GOLGB1: variants seen among roughly 807,000 people sequenced by gnomAD.
GOLGB1 encodes the protein golgin subfamily B member 1.
In GOLGB1, 174 loss-of-function variants were observed where a neutral mutation model predicts 336.9. That is an observed-to-expected ratio of 0.52 (90% CI 0.46 to 0.59). GOLGB1 has a LOEUF of 0.59. Among genes scored for constraint, GOLGB1 ranks in the 20% least tolerant of loss-of-function variants. The probability of loss-of-function intolerance (pLI) is 0.00; values close to 1 mark genes in which losing one functional copy is unlikely to be tolerated. For missense variants in GOLGB1, 3,331 were observed against 3,645.3 expected, an observed-to-expected ratio of 0.91 and a Z score of 2.22; for synonymous variants, 1,208 against 1,289.2, an observed-to-expected ratio of 0.94 and a Z score of 1.35.
chr3:121,736,375 G>A (rs12636562), intron 1 of GOLGB1, among the ~76,000 whole-genome samples: 15,746 of 152,108 alleles, frequency 0.1, 899 homozygotes, highest in South Asian at 0.16. Context: ...ATAAGTCATC[G>A]TAATATCATG....
At chr3:121,669,570 T>C (rs1341790907) in intron 17 of GOLGB1, among the ~76,000 whole-genome samples, 1 of 152,258 alleles carries the variant, frequency 6.6e-6, no homozygotes, top group Non-Finnish European at 1.5e-5. Flanking sequence ...AAAGGTTTTT[T>C]TGTTTTGTTC....
intron 21 of GOLGB1, 81 bp downstream of exon 21, chr3:121,664,845 C>T: frequency 1.1e-6 from 1 of 890,692 alleles, no homozygotes; most frequent in South Asian, 1.4e-5. Flanking sequence ...TTCCACATTC[C>T]TTCTCCTCAG....
chr3:121,704,776 C>CAAAAA (rs71133560), intron 10 of GOLGB1, among the ~76,000 whole-genome samples: 1 of 106,972 alleles, frequency 9.3e-6, no homozygotes, highest in Non-Finnish European at 1.8e-5. Flanking sequence ...AACTCCATCT[C>CAAAAA]AAAAAAAAAA....
rs183924001 is a variant in GOLGB1, at chr3:121,738,451, C to T, written c.-2-7478G>A. The stretch of plus-strand genomic sequence containing the variant: ...AAAATAAACGTGGATATAGACAAAC[C>T]GCCAATAGTCAAAAGATCTGGGTGT... On this transcript the variant is annotated intron_variant, in intron 1 of 21. Transcript: ENST00000614479. 3.9e-5 allele frequency among the ~76,000 whole-genome samples: 6 copies of T among 152,176 alleles called. No homozygotes were observed. The East Asian group carries it at 7.7e-4, about 20-fold the overall frequency.
chr3:121,669,277 G>T lies in GOLGB1; in HGVS notation c.9256C>A (p.Gln3086Lys). 6.2e-7 allele frequency: 1 copy of T among 1,613,714 alleles called. No individual in the cohort carries two copies. The change falls in exon 18 of 22, where the codon CAG (glutamine) becomes AAG (lysine). Residue 3086 changes from glutamine to lysine, a missense_variant. Gln to Lys is a moderately conservative substitution (Grantham distance 53). Transcript: ENST00000614479. ...DTSQSLRENQ[Q>K]HYGDLLNHCA... ...TGATTTAAAAGGTCACCATAGTGCTGCTGGTTCTCACGAAGACTCTGACTG... is the reference window on the plus strand; with the variant it reads ...TGATTTAAAAGGTCACCATAGTGCTTCTGGTTCTCACGAAGACTCTGACTG...
chr3:121,727,615 T>C (rs1945776375), intron 4 of GOLGB1, among the ~76,000 whole-genome samples: 1 of 151,942 alleles, frequency 6.6e-6, no homozygotes, highest in Non-Finnish European at 1.5e-5. Flanking sequence ...TGTTGCTAAG[T>C]GAGAAGCAAC....
At chr3:121,713,612 G>T (rs530592830) in intron 10 of GOLGB1, among the ~76,000 whole-genome samples, 3 of 152,108 alleles carry the variant, frequency 2.0e-5, no homozygotes, top group Non-Finnish European at 4.4e-5. Context: ...TCTTTGGAGG[G>T]GAAGGGTGAG....
At chr3:121,703,278 C>T (rs1452585696) in intron 10 of GOLGB1, among the ~76,000 whole-genome samples, 1 of 152,162 alleles carries the variant, frequency 6.6e-6, no homozygotes, top group African/African-American at 2.4e-5. Flanking sequence ...CCGAAATCTT[C>T]ATTCAATGTT....
intron 5 of GOLGB1, among the ~76,000 whole-genome samples, chr3:121,725,627 A>G (rs758479576): frequency 2.6e-5 from 4 of 152,146 alleles, no homozygotes; most frequent in Non-Finnish European, 4.4e-5. Flanking sequence ...TGAGTTTTGG[A>G]GAGCCAAGGG....
chr3:121,748,327 A>C (rs1208385064), intron 1 of GOLGB1, among the ~76,000 whole-genome samples: 1 of 152,266 alleles, frequency 6.6e-6, no homozygotes, highest in Non-Finnish European at 1.5e-5. Flanking sequence ...GTAGTCATAC[A>C]CTATAAATAA....
intron 14 of GOLGB1, among the ~76,000 whole-genome samples, chr3:121,687,371 A>G (rs1284758414): frequency 6.6e-6 from 1 of 152,232 alleles, no homozygotes; most frequent in Admixed American, 6.5e-5. Flanking sequence ...TGAGTAGTGC[A>G]GTAATACAGT....
At chr3:121,743,620 A>G (rs1459976958) in intron 1 of GOLGB1, among the ~76,000 whole-genome samples, 1 of 152,218 alleles carries the variant, frequency 6.6e-6, no homozygotes, top group East Asian at 1.9e-4. Flanking sequence ...AATAAAAAAA[A>G]TACAGTTAAT....
rs757411186 is a variant in GOLGB1 at position 121,698,180 on chromosome 3, T to G, written c.2343A>C (p.Ala781=). Residue 781 remains alanine, a synonymous_variant, in exon 13 of 22, where the codon GCA becomes GCC. Coordinates refer to ENST00000614479, the MANE Select transcript of GOLGB1 (RefSeq NM_001366282.2). The part of the protein sequence containing the change: ...VKQLEMNLAE[A]ERQRRLDYES... Reference sequence around the variant, plus strand: ...CATAATCAAGTCTTCTTTGCCTTTCTGCTTCTGCAAGGTTCATTTCCAGTT... The same window carrying G: ...CATAATCAAGTCTTCTTTGCCTTTCGGCTTCTGCAAGGTTCATTTCCAGTT... The G allele has an allele frequency of 1.1e-5, 17 of 1,613,844 alleles. No homozygotes were observed. Among genetic ancestry groups the G allele is most frequent in the Non-Finnish European group, 1.3e-5 (15 of 1,179,952 alleles).
chr3:121,711,935 G>A (rs1022661181), intron 10 of GOLGB1, among the ~76,000 whole-genome samples: 4 of 152,072 alleles, frequency 2.6e-5, no homozygotes, highest in Non-Finnish European at 5.9e-5. Context: ...AATCTCATCT[G>A]TCTTTTTTTA....
At chr3:121,734,566 C>T (rs1946356178) in intron 1 of GOLGB1, among the ~76,000 whole-genome samples, 1 of 151,978 alleles carries the variant, frequency 6.6e-6, no homozygotes, top group Admixed American at 6.6e-5. Context: ...AGATACTTCA[C>T]CAAAGAAGAT....
intron 10 of GOLGB1, among the ~76,000 whole-genome samples, chr3:121,707,225 C>CAATAAAAAAAAAA: frequency 1.1e-5 from 1 of 93,646 alleles, no homozygotes; most frequent in East Asian, 2.9e-4. Context: ...GACTCCATCT[C>CAATAAAAAAAAAA]AAAAAAAAAA....
At chr3:121,710,095 A>C (rs1576393094) in intron 10 of GOLGB1, among the ~76,000 whole-genome samples, 3 of 148,318 alleles carry the variant, frequency 2.0e-5, no homozygotes, top group Non-Finnish European at 4.5e-5. Context: ...CAAAACTGGC[A>C]CCGGGTGGAA....
upstream of GOLGB1, chr3:121,749,903 A>G (rs1374184107): frequency 6.6e-6 from 1 of 152,568 alleles, no homozygotes; most frequent in African/African-American, 2.4e-5. Context: ...CCTCAAAGAA[A>G]CAGCCAATGG....
At position 121,690,736 on chromosome 3, in the gene GOLGB1, G is replaced by C. The variant is rs766316690; in HGVS notation, c.8628C>G (p.Thr2876=). ...TTAAACTCTGTACTTCAGCTGGGCTGGTGGAAGGCTGAGCTGCAGACCTCT... is the reference window on the plus strand; with the variant it reads ...TTAAACTCTGTACTTCAGCTGGGCTCGTGGAAGGCTGAGCTGCAGACCTCT... ...GKQRSAAQPS[T]SPAEVQSLKK... The change falls in exon 14 of 22, where the codon ACC becomes ACG. Residue 2876 remains threonine, a synonymous_variant. Coordinates refer to ENST00000614479, the MANE Select transcript of GOLGB1 (RefSeq NM_001366282.2). The C allele has an allele frequency of 6.5e-7, 1 of 1,549,892 alleles. No individual in the cohort carries two copies. Among genetic ancestry groups the C allele is most frequent in the Non-Finnish European group, 8.7e-7 (1 of 1,154,150 alleles).
Sources: allele counts gnomAD v4.1 joint callset (sites outside exome capture counted in the v4.1 genomes callset), GRCh38; gene constraint gnomAD v4.1.1; transcripts MANE v1.5; gene names NCBI Gene and HGNC (gene_info 2026-07-23, HGNC 2026-07-21).